DOCK2: variants seen among roughly 807,000 people sequenced by gnomAD.
The protein encoded by DOCK2 is dedicator of cytokinesis protein 2.
Under a neutral mutation model 248.9 loss-of-function variants are expected in DOCK2, and 87 were observed. The observed-to-expected ratio is 0.35, with a 90% confidence interval of 0.29 to 0.42. DOCK2 has a LOEUF of 0.42. Among genes scored for constraint, DOCK2 ranks in the 10% least tolerant of loss-of-function variants. The pLI is 1.00. For synonymous variants in DOCK2, 805 were observed against 821.6 expected (o/e 0.98, Z 0.35); for missense variants, 1,747 against 2,300.2 (o/e 0.76, Z 4.92).
intron 25 of DOCK2, among the ~76,000 whole-genome samples, chr5:169,771,344 C>A (rs1257156129): frequency 6.6e-6 from 1 of 152,124 alleles, no homozygotes; most frequent in Non-Finnish European, 1.5e-5. Context: ...AGTGCAGTGG[C>A]GTGATCTCGG....
intron 22 of DOCK2, among the ~76,000 whole-genome samples, chr5:169,727,598 C>T (rs1420669101): frequency 7.2e-5 from 11 of 152,190 alleles, no homozygotes; most frequent in Non-Finnish European, 1.5e-5. Flanking sequence ...CTACCTTTTA[C>T]TCTTAGAGAG....
At chr5:169,714,780 T>C (rs1581083409) in intron 19 of DOCK2, among the ~76,000 whole-genome samples, 1 of 152,292 alleles carries the variant, frequency 6.6e-6, no homozygotes, top group South Asian at 2.1e-4. Context: ...TCAGGGCTGT[T>C]ATGAGCATTC....
intron 25 of DOCK2, among the ~76,000 whole-genome samples, chr5:169,800,157 C>A (rs1463227364): frequency 6.6e-6 from 1 of 152,140 alleles, no homozygotes; most frequent in Non-Finnish European, 1.5e-5. Context: ...AAGCTGTGGC[C>A]TATGATTCTA....
chr5:169,708,232 C>T lies in DOCK2; in HGVS notation c.1447C>T (p.Gln483Ter). The T allele has an allele frequency of 6.2e-7, 1 of 1,613,950 alleles. No individual in the cohort carries two copies. The highest frequency in any genetic ancestry group is 8.5e-7 in the Non-Finnish European group (1 of 1,179,948). The change falls in exon 15 of 52, where the codon CAA becomes TAA. Residue 483 changes from glutamine (Q) to a stop codon, truncating the protein, a stop_gained. Coordinates refer to ENST00000520908, the MANE Select transcript of DOCK2 (RefSeq NM_004946.3). LOFTEE classifies it high-confidence loss of function. The part of the protein sequence containing the change: ...MNEYRSVVYY[Q>*]VKQPRWMETV... ...TGAGTATCGCTCCGTTGTGTACTAT[C>T]AAGTCAAACAGCCACGCTGGATGGA...
chr5:170,073,162 T>G (rs1452267019), intron 46 of DOCK2, among the ~76,000 whole-genome samples: 1 of 152,244 alleles, frequency 6.6e-6, no homozygotes, highest in Non-Finnish European at 1.5e-5. Flanking sequence ...GTATGATCCT[T>G]TTTGACTGAT....
At chr5:169,985,624 A>G (rs770567760) in intron 28 of DOCK2, among the ~76,000 whole-genome samples, 5 of 152,194 alleles carry the variant, frequency 3.3e-5, no homozygotes, top group Non-Finnish European at 5.9e-5. Context: ...ACATTTTCGC[A>G]TCCCATATTC....
At chr5:169,703,106 C>T (rs1264683593) in intron 14 of DOCK2, among the ~76,000 whole-genome samples, 1 of 152,100 alleles carries the variant, frequency 6.6e-6, no homozygotes, top group East Asian at 1.9e-4. Context: ...GGTTTTGTTT[C>T]TCAGTTCCTC....
chr5:169,798,162 G>C (rs1052038144), intron 25 of DOCK2, among the ~76,000 whole-genome samples: 1 of 152,182 alleles, frequency 6.6e-6, no homozygotes, highest in African/African-American at 2.4e-5. Context: ...TGTGAGCAAG[G>C]CAAACACCCA....
At chr5:169,746,063 C>T (rs1763596072) in intron 22 of DOCK2, among the ~76,000 whole-genome samples, 1 of 152,144 alleles carries the variant, frequency 6.6e-6, no homozygotes, top group African/African-American at 2.4e-5. Flanking sequence ...GAACATTCAG[C>T]ACTGACTTCA....
In DOCK2 at chr5:169,891,224, T is replaced by C. The variant is rs191218452; in HGVS notation, c.2799+50372T>C. ...TTTCCCCAGATCCTTCCAAGCCTGT[T>C]ATCTCCAGGAGACACTCCCTGACCC... On this transcript the variant is annotated intron_variant, in intron 27 of 51. Transcript: ENST00000520908. Among the ~76,000 whole-genome samples the C allele has an allele frequency of 4.4e-3, 668 of 152,320 alleles. 7 individuals carry two copies. Among genetic ancestry groups the C allele is most frequent in the African/African-American group, 0.015 (625 of 41,564 alleles).
chr5:169,958,409 C>G (rs183974242), intron 27 of DOCK2, among the ~76,000 whole-genome samples: 2 of 152,244 alleles, frequency 1.3e-5, no homozygotes, highest in Admixed American at 6.5e-5. Flanking sequence ...TCTGCAAACT[C>G]CATCATCCGA....
intron 27 of DOCK2, among the ~76,000 whole-genome samples, chr5:169,866,112 A>G (rs1260970094): frequency 6.6e-6 from 1 of 151,722 alleles, no homozygotes; most frequent in Non-Finnish European, 1.5e-5. Context: ...GGCCTGTTTT[A>G]TAGCAAGACT....
At chr5:170,041,471 G>GA (rs1429271729) in intron 37 of DOCK2, among the ~76,000 whole-genome samples, 9 of 152,294 alleles carry the variant, frequency 5.9e-5, no homozygotes, top group Non-Finnish European at 1.2e-4. Context: ...CTGTAGCTGG[G>GA]AAAAAAATCA....
chr5:170,081,897 C>T lies in DOCK2; in HGVS notation c.5343C>T (p.Pro1781=), dbSNP rs927812352. 1.2e-6 allele frequency: 2 copies of T among 1,614,092 alleles called. No individual in the cohort carries two copies. The highest frequency in any genetic ancestry group is 2.7e-5 in the African/African-American group (2 of 75,010). Residue 1781 remains proline, a synonymous_variant, in exon 51 of 52, where the codon CCC becomes CCT. Coordinates refer to ENST00000520908, the MANE Select transcript of DOCK2 (RefSeq NM_004946.3). The stretch of plus-strand genomic sequence containing the variant: ...GGTTGGATGAGGCCAACACATCTCC[C>T]CGCCTCAGCCAGACCTTCCTCCAAC... The part of the protein sequence containing the change: ...IPGLDEANTS[P]RLSQTFLQLS...
chr5:169,685,272 T>C, intron 8 of DOCK2, among the ~76,000 whole-genome samples: 1 of 152,214 alleles, frequency 6.6e-6, no homozygotes, highest in East Asian at 1.9e-4. Context: ...TTCTTGGGAA[T>C]GGAGGAAGTG....
chr5:169,674,861 A>G (rs1759246216), intron 6 of DOCK2, among the ~76,000 whole-genome samples: 1 of 152,208 alleles, frequency 6.6e-6, no homozygotes, highest in African/African-American at 2.4e-5. Context: ...CAACTAACTC[A>G]AATGCACAAT....
intron 27 of DOCK2, chr5:169,882,979 C>T (rs542645445): frequency 2.2e-5 from 34 of 1,551,480 alleles, no homozygotes; most frequent in South Asian, 7.1e-5. Flanking sequence ...ACTGTGAGTC[C>T]GTGGAGATGA....
At chr5:169,742,067 C>T (rs180746478) in intron 22 of DOCK2, among the ~76,000 whole-genome samples, 4 of 152,200 alleles carry the variant, frequency 2.6e-5, no homozygotes, top group Non-Finnish European at 2.9e-5. Context: ...CTGCCCATCT[C>T]GGCCTCCCAA....
At position 169,654,498 on chromosome 5, in the gene DOCK2, G is replaced by A. The variant is rs779719029; in HGVS notation, c.127+12G>A. 97 of 1,613,848 alleles carry A rather than the reference G, an allele frequency of 6.0e-5. No individual in the cohort carries two copies. In the East Asian group the frequency reaches 2.1e-3, roughly 34 times the overall value. On this transcript the variant is annotated intron_variant, in intron 2 of 51. Transcript: ENST00000520908. ...GGAGACGTGTGGAGGTGAGTCACTG[G>A]CCCACGCCCCAAGTGCTGGACCCTT...
Sources: gnomAD v4.1 joint callset for allele counts (sites outside exome capture counted in the v4.1 genomes callset) on GRCh38, gnomAD v4.1.1 for gene constraint, MANE v1.5 for transcripts, NCBI Gene and HGNC (gene_info 2026-07-23, HGNC 2026-07-21) for gene names.